Variants in COL25A1 observed in about 807,000 individuals in gnomAD.
The protein encoded by COL25A1 is collagen type XXV alpha 1 chain, also known as collagen alpha-1(XXV) chain.
Under a neutral mutation model 128.4 loss-of-function variants are expected in COL25A1, and 103 were observed. The observed-to-expected ratio is 0.80, with a 90% CI of 0.68 to 0.94. COL25A1 has a LOEUF of 0.94. COL25A1 is among the 40% of genes least tolerant of loss of function. COL25A1 has a pLI of 0.00. For missense variants in COL25A1, 745 were observed against 840.0 expected (o/e 0.89, Z 1.40); for synonymous variants, 279 against 277.2 (o/e 1.01, Z -0.06).
chr4:108,990,015 C>T (rs545637466), intron 6 of COL25A1, among the ~76,000 whole-genome samples: 35 of 151,296 alleles, frequency 2.3e-4, no homozygotes, highest in Non-Finnish European at 5.9e-5. Flanking sequence ...GAGTTTGAGA[C>T]CAGCCTGCAC....
At chr4:108,817,040 A>C (rs1210087558) in intron 37 of COL25A1, among the ~76,000 whole-genome samples, 1 of 152,178 alleles carries the variant, frequency 6.6e-6, no homozygotes, top group Non-Finnish European at 1.5e-5. Context: ...ATGTATTATC[A>C]TGTTTGTCAG....
chr4:109,262,294 A>G (rs2126256278), intron 3 of COL25A1, among the ~76,000 whole-genome samples: 1 of 152,186 alleles, frequency 6.6e-6, no homozygotes, highest in Non-Finnish European at 1.5e-5. Flanking sequence ...CGGGTGGATC[A>G]TCTGGGGTCA....
At chr4:109,279,731 TATTA>T (rs780357464) in intron 3 of COL25A1, among the ~76,000 whole-genome samples, 3 of 152,226 alleles carry the variant, frequency 2.0e-5, no homozygotes, top group African/African-American at 4.8e-5. Flanking sequence ...TTATCAATTG[TATTA>T]ATTATTTTTT....
chr4:108,902,976 T>C (rs1346592710), intron 13 of COL25A1, among the ~76,000 whole-genome samples: 6 of 151,882 alleles, frequency 4.0e-5, no homozygotes, highest in Non-Finnish European at 8.8e-5. Flanking sequence ...TAACTCATGG[T>C]TTCATGCAAA....
intron 8 of COL25A1, chr4:108,942,333 G>A (rs186878422): frequency 1.4e-6 from 2 of 1,446,086 alleles, no homozygotes; most frequent in Non-Finnish European, 1.9e-6. Flanking sequence ...TTCACTAGGG[G>A]ACAAACAAAA....
intron 5 of COL25A1, among the ~76,000 whole-genome samples, chr4:109,029,464 G>A (rs1758628520): frequency 6.6e-6 from 1 of 152,186 alleles, no homozygotes; most frequent in Non-Finnish European, 1.5e-5. Context: ...GGCGAGTACA[G>A]CACAGTAAAA....
At position 109,067,620 on chromosome 4, in the gene COL25A1, C is replaced by T. The variant is rs574402762; in HGVS notation, c.368-17441G>A. On this transcript the variant is annotated intron_variant, in intron 3 of 37. Transcript: ENST00000399132. ...AAATTTCTTTACAGAAGAATATATT[C>T]TCCATCTCCTGGTGAACAGTTTTTG... is the stretch of plus-strand genomic sequence containing the variant. Among the ~76,000 whole-genome samples the T allele has an allele frequency of 3.3e-5, 5 of 152,266 alleles. No homozygotes were observed. In the East Asian group the frequency reaches 9.7e-4, roughly 29 times the overall value.
At chr4:108,938,641 G>A (rs1324398952) in intron 10 of COL25A1, among the ~76,000 whole-genome samples, 3 of 152,158 alleles carry the variant, frequency 2.0e-5, no homozygotes, top group Non-Finnish European at 4.4e-5. Context: ...CAGATCACGA[G>A]GTCAGGAGAT....
At chr4:109,066,540 T>C (rs1388709710) in intron 3 of COL25A1, among the ~76,000 whole-genome samples, 1 of 152,234 alleles carries the variant, frequency 6.6e-6, no homozygotes, top group East Asian at 1.9e-4. Flanking sequence ...TCTCAAGCAC[T>C]TAAAAACAGA....
intron 3 of COL25A1, among the ~76,000 whole-genome samples, chr4:109,186,552 A>C (rs1775149652): frequency 6.6e-6 from 1 of 152,200 alleles, no homozygotes; most frequent in Admixed American, 6.5e-5. Flanking sequence ...GAATCTAAGA[A>C]TGTTCTAGCA....
At chr4:108,871,151 G>T (rs1180256217) in intron 19 of COL25A1, among the ~76,000 whole-genome samples, 3 of 152,080 alleles carry the variant, frequency 2.0e-5, no homozygotes. Context: ...AAGATATGTT[G>T]TTTCCTTTAG....
chr4:108,983,282 C>T (rs1161725317), intron 6 of COL25A1, among the ~76,000 whole-genome samples: 1 of 152,090 alleles, frequency 6.6e-6, no homozygotes, highest in African/African-American at 2.4e-5. Context: ...AAGAAAGTAT[C>T]AACTTGCTCT....
chr4:108,992,870 CAG>C (rs368364756), intron 6 of COL25A1, among the ~76,000 whole-genome samples: 1,691 of 151,750 alleles, frequency 0.011, 35 homozygotes, highest in African/African-American at 0.038. Context: ...TTTTAATTGA[CAG>C]AGAAAATTAT....
At chr4:109,051,622 C>CAT in intron 3 of COL25A1, among the ~76,000 whole-genome samples, 2 of 40,156 alleles carry the variant, frequency 5.0e-5, no homozygotes, top group Admixed American at 4.0e-4. Flanking sequence ...CACATACATA[C>CAT]ACACACACAC....
At chr4:108,952,023 T>A (rs929954230) in intron 8 of COL25A1, among the ~76,000 whole-genome samples, 3 of 152,152 alleles carry the variant, frequency 2.0e-5, no homozygotes, top group African/African-American at 7.2e-5. Context: ...AACTAAAGAT[T>A]ATAGAAAGAG....
intron 3 of COL25A1, among the ~76,000 whole-genome samples, chr4:109,132,511 C>T (rs1161227845): frequency 2.6e-5 from 4 of 152,040 alleles, no homozygotes; most frequent in Admixed American, 1.3e-4. Context: ...AAGGCTATTT[C>T]GTAATTTGAT....
chr4:109,270,783 T>G (rs1782138589), intron 3 of COL25A1, among the ~76,000 whole-genome samples: 1 of 152,188 alleles, frequency 6.6e-6, no homozygotes, highest in South Asian at 2.1e-4. Flanking sequence ...GGTCCTGTGT[T>G]AGGCACCTGG....
intron 3 of COL25A1, among the ~76,000 whole-genome samples, chr4:109,083,754 C>T (rs1349530139): frequency 2.0e-4 from 31 of 152,044 alleles, no homozygotes; most frequent in African/African-American, 9.6e-5. Flanking sequence ...CGTGAGCCAC[C>T]GCGTCCGGCC....
chr4:109,033,111 T>C (rs966246962), intron 5 of COL25A1, among the ~76,000 whole-genome samples: 4 of 152,222 alleles, frequency 2.6e-5, no homozygotes, highest in African/African-American at 9.6e-5. Flanking sequence ...TTTTGACAAA[T>C]TGCAAACCTC....
Sources: gnomAD v4.1 joint callset for allele counts (sites outside exome capture counted in the v4.1 genomes callset) on GRCh38, gnomAD v4.1.1 for gene constraint, MANE v1.5 for transcripts, NCBI Gene and HGNC (gene_info 2026-07-23, HGNC 2026-07-21) for gene names.